Variants in NOS1 observed in about 807,000 individuals in gnomAD.
NOS1 encodes NOS type I.
NOS1 carries 51 observed loss-of-function variants against 164.5 expected under a neutral mutation model. The observed-to-expected ratio is 0.31, with a 90% CI of 0.25 to 0.39. The LOEUF (loss-of-function observed/expected upper bound fraction) is 0.39, where lower values mean the gene tolerates loss of function less well. Ranked by LOEUF, NOS1 falls within the 10% of genes least tolerant of loss-of-function variation. The probability of loss-of-function intolerance (pLI) is 1.00; values close to 1 mark genes in which losing one functional copy is unlikely to be tolerated. For missense variants in NOS1, 1,362 were observed against 1,885.6 expected, an observed-to-expected ratio of 0.72 and a Z score of 5.14; for synonymous variants, 719 against 745.8, an observed-to-expected ratio of 0.96 and a Z score of 0.59.
chr12:117,258,313 T>G, intron 16 of NOS1, 84 bp downstream of exon 16: 9 of 1,366,684 alleles, frequency 6.6e-6, no homozygotes, highest in Non-Finnish European at 8.3e-6. Flanking sequence ...CATCCAGAAC[T>G]CAAATGTGAA....
rs949123626 is a variant in NOS1, at chr12:117,271,612, T to C, written c.1839+773A>G. On this transcript the variant is annotated intron_variant, in intron 10 of 28. Transcript: ENST00000317775. ...TTAACAGCACAAACCTGATGCTCGG[T>C]TCTGGGTTCTAATCTTGGTTCTGTG... is the stretch of plus-strand genomic sequence containing the variant. 4.6e-5 allele frequency among the ~76,000 whole-genome samples: 7 copies of C among 152,188 alleles called. No homozygotes were observed. In the South Asian group the frequency reaches 1.4e-3, roughly 32 times the overall value.
chr12:117,222,782 T>C lies in NOS1; in HGVS notation c.3908A>G (p.Gln1303Arg). The C allele has an allele frequency of 3.1e-6, 5 of 1,614,006 alleles. No individual in the cohort carries two copies. The highest frequency in any genetic ancestry group is 4.2e-6 in the Non-Finnish European group (5 of 1,179,986). ...IDHIYREETL[Q>R]AKNKGVFREL... ...TCTGAAGACCCCCTTGTTCTTGGCC[T>C]GCAGGGTCTCTTCCCTGTAGATATG... The change falls in exon 26 of 29, where the codon CAG becomes CGG. Residue 1303 changes from glutamine to arginine, a missense_variant. Physicochemically the swap from Gln to Arg is conservative, Grantham distance 43 (BLOSUM62 1). This residue lies in a region of NOS1 where 737 missense variants were observed against 1,030.3 expected (regional missense o/e 0.72). Coordinates refer to ENST00000317775, the MANE Select transcript of NOS1 (RefSeq NM_000620.5).
chr12:117,260,555 T>C lies in NOS1; in HGVS notation c.2277A>G (p.Lys759=). The change falls in exon 14 of 29, where the codon AAA becomes AAG. Residue 759 remains lysine, a synonymous_variant. Transcript: ENST00000317775. ...TCTCTGTGGCATAGAGGATGGTCGC[T>C]TTCACCCTCTTGGCCATAGCCTGCC... is the stretch of plus-strand genomic sequence containing the variant. ...LMGQAMAKRV[K]ATILYATETG... The C allele has an allele frequency of 6.2e-7, 1 of 1,614,080 alleles. No homozygotes were observed. The highest frequency in any genetic ancestry group is 1.3e-5 in the African/African-American group (1 of 75,024).
intron 23 of NOS1, among the ~76,000 whole-genome samples, 192 bp from the exon 24 acceptor site, chr12:117,226,962 A>C (rs1163853040): frequency 2.0e-5 from 3 of 152,060 alleles, no homozygotes; most frequent in Non-Finnish European, 4.4e-5. Context: ...GCAACCACCC[A>C]GGGTTCTATT....
intron 1 of NOS1, among the ~76,000 whole-genome samples, chr12:117,359,211 G>C (rs1024426597): frequency 1.3e-5 from 2 of 152,126 alleles, no homozygotes; most frequent in South Asian, 2.1e-4. Context: ...CCGCCGTGGC[G>C]GTGCTGGTGG....
intron 1 of NOS1, among the ~76,000 whole-genome samples, chr12:117,342,144 T>C (rs1876142074): frequency 1.3e-5 from 2 of 152,144 alleles, no homozygotes; most frequent in African/African-American, 4.8e-5. Context: ...TTCTCTCCTT[T>C]GCCTCCTCTC....
intron 10 of NOS1, among the ~76,000 whole-genome samples, chr12:117,271,176 C>T (rs12300042): frequency 0.015 from 2,341 of 152,268 alleles, 64 homozygotes; most frequent in African/African-American, 0.053. Context: ...ATCAGAACCC[C>T]GATGAATGGG....
chr12:117,214,712 C>T lies in NOS1; in HGVS notation c.*597G>A. The T allele has an allele frequency of 1.0e-6, 1 of 985,298 alleles. No individual in the cohort carries two copies. The highest frequency in any genetic ancestry group is 1.1e-4 in the East Asian group (1 of 8,814). The allele number at this position is 985,298 out of a possible 1,614,324, so 61.0% of individuals were successfully genotyped here. A position where few individuals can be genotyped will look rare whatever the true frequency, so the allele number is the denominator to read the frequency against. ...TGGGCGTGGACCCTAATTATGGACACACGAGGGATTAATATGGGCCAGGGA... is the reference window on the plus strand; with the variant it reads ...TGGGCGTGGACCCTAATTATGGACATACGAGGGATTAATATGGGCCAGGGA... On this transcript the variant is annotated 3_prime_UTR_variant, in exon 29 of 29. Transcript: ENST00000317775.
intron 12 of NOS1, among the ~76,000 whole-genome samples, chr12:117,264,461 TTTA>T (rs1258026791): frequency 9.7e-6 from 1 of 103,130 alleles, no homozygotes; most frequent in Non-Finnish European, 1.9e-5. Context: ...ATTTTCTTTC[TTTA>T]TTTTCTTTCT....
chr12:117,314,498 A>G (rs1293475953), intron 2 of NOS1, among the ~76,000 whole-genome samples: 1 of 152,250 alleles, frequency 6.6e-6, no homozygotes, highest in Non-Finnish European at 1.5e-5. Context: ...CATTTTACAC[A>G]TGACAAAACT....
At chr12:117,242,231 A>C (rs1870237439) in intron 20 of NOS1, among the ~76,000 whole-genome samples, 1 of 152,218 alleles carries the variant, frequency 6.6e-6, no homozygotes, top group Non-Finnish European at 1.5e-5. Flanking sequence ...AAAGAAATTT[A>C]AGCAGAGTGT....
At chr12:117,345,315 G>A (rs1483408602) in intron 1 of NOS1, among the ~76,000 whole-genome samples, 4 of 152,204 alleles carry the variant, frequency 2.6e-5, no homozygotes, top group East Asian at 3.9e-4. Flanking sequence ...GAGCCACCGC[G>A]CCCGGCTGCA....
chr12:117,274,041 G>C (rs543327120), intron 9 of NOS1, among the ~76,000 whole-genome samples: 1 of 152,214 alleles, frequency 6.6e-6, no homozygotes, highest in Admixed American at 6.5e-5. Flanking sequence ...CTAAAGAATG[G>C]GGGAAAATAT....
At chr12:117,267,259 GGC>G in intron 11 of NOS1, among the ~76,000 whole-genome samples, 1 of 152,302 alleles carries the variant, frequency 6.6e-6, no homozygotes, top group East Asian at 1.9e-4. Context: ...CCATTGTCCT[GGC>G]ATAGTTATTA....
intron 28 of NOS1, among the ~76,000 whole-genome samples, chr12:117,217,015 C>G (rs1331699289): frequency 6.6e-6 from 1 of 152,082 alleles, no homozygotes; most frequent in Non-Finnish European, 1.5e-5. Context: ...GTGGCAGGGA[C>G]TGGGGCGGGG....
intron 1 of NOS1, among the ~76,000 whole-genome samples, chr12:117,339,710 G>T (rs1279875498): frequency 6.6e-6 from 1 of 152,180 alleles, no homozygotes; most frequent in Non-Finnish European, 1.5e-5. Flanking sequence ...ATAAGCAGGA[G>T]ATTAGAGCTA....
chr12:117,328,911 C>T (rs375080286), intron 2 of NOS1, among the ~76,000 whole-genome samples: 7 of 152,346 alleles, frequency 4.6e-5, no homozygotes, highest in African/African-American at 1.2e-4. Flanking sequence ...CTAGGCTATA[C>T]GGTGTAGCCT....
intron 20 of NOS1, among the ~76,000 whole-genome samples, chr12:117,239,367 C>T (rs1355995014): frequency 6.6e-6 from 1 of 152,236 alleles, no homozygotes; most frequent in Non-Finnish European, 1.5e-5. Context: ...CCTGCATTCC[C>T]CTCTTGCTCC....
intron 3 of NOS1, among the ~76,000 whole-genome samples, chr12:117,292,056 C>A (rs1203690658): frequency 6.6e-6 from 1 of 152,200 alleles, no homozygotes; most frequent in African/African-American, 2.4e-5. Context: ...TGAGGCAGGG[C>A]ATTCATACAT....
Sources: allele counts gnomAD v4.1 joint callset (sites outside exome capture counted in the v4.1 genomes callset), GRCh38; gene constraint gnomAD v4.1.1; regional missense constraint gnomAD v4.1.1; transcripts MANE v1.5; gene names NCBI Gene and HGNC (gene_info 2026-07-23, HGNC 2026-07-21).